GABRG3: variants seen among roughly 807,000 people sequenced by gnomAD.
GABRG3 encodes the protein gamma-aminobutyric acid receptor subunit gamma-3.
A neutral mutation model predicts 48.8 loss-of-function variants in GABRG3; 25 were observed. The observed-to-expected ratio is 0.51, with a 90% CI of 0.37 to 0.72. GABRG3 has a LOEUF of 0.72. Ranked by LOEUF, GABRG3 falls within the 30% of genes least tolerant of loss-of-function variation. GABRG3 has a pLI of 0.00. For synonymous variants in GABRG3, 227 were observed against 217.6 expected (o/e 1.04, Z -0.38); for missense variants, 394 against 577.9 (o/e 0.68, Z 3.26).
chr15:27,500,558 C>T (rs1313739983), intron 6 of GABRG3, among the ~76,000 whole-genome samples: 1 of 152,250 alleles, frequency 6.6e-6, no homozygotes, highest in Non-Finnish European at 1.5e-5. Flanking sequence ...CCAGACGTTA[C>T]GTAAACGTGC....
chr15:27,285,949 C>CA (rs1891597342), intron 3 of GABRG3, among the ~76,000 whole-genome samples: 1 of 152,190 alleles, frequency 6.6e-6, no homozygotes, highest in Non-Finnish European at 1.5e-5. Flanking sequence ...CTATCAATGA[C>CA]ACAGTGCTTG....
In GABRG3 at chr15:27,536,506, CCAAA is replaced by C. The variant is rs1408004329; in HGVS notation, c.*3628_*3631del. On this transcript the variant is annotated 3_prime_UTR_variant, in exon 10 of 10. Coordinates refer to ENST00000615808, the MANE Select transcript of GABRG3 (RefSeq NM_033223.5). ...AAATAGGATTTCATTTCTTTATATG[CCAAA>C]CAGTCTTACCCTTAATTTTACATCA... The C allele has an allele frequency of 6.6e-6, 1 of 152,104 alleles. No individual in the cohort carries two copies. The highest frequency in any genetic ancestry group is 1.5e-5 in the Non-Finnish European group (1 of 68,030). 9.4% of individuals were successfully genotyped at this position (152,104 alleles called of 1,614,324 possible). A position where few individuals can be genotyped will look rare whatever the true frequency, so the allele number is the denominator to read the frequency against.
intron 5 of GABRG3, among the ~76,000 whole-genome samples, chr15:27,422,108 G>A (rs1888138097): frequency 6.6e-6 from 1 of 150,390 alleles, no homozygotes; most frequent in African/African-American, 2.4e-5. Flanking sequence ...ATATCCATGG[G>A]AGTGGGCTGC....
chr15:27,063,926 A>G (rs77000626), intron 3 of GABRG3, among the ~76,000 whole-genome samples: 2,401 of 152,260 alleles, frequency 0.016, 41 homozygotes, highest in Middle Eastern at 0.044. Context: ...CTTTCCTGAC[A>G]TGGGTGTCAT....
chr15:27,371,331 C>G (rs1895408226), intron 5 of GABRG3, among the ~76,000 whole-genome samples: 1 of 152,082 alleles, frequency 6.6e-6, no homozygotes, highest in Non-Finnish European at 1.5e-5. Context: ...TCTGCAGTTC[C>G]CCAGTTGTGA....
At chr15:27,239,828 A>G (rs945820711) in intron 3 of GABRG3, among the ~76,000 whole-genome samples, 2 of 152,204 alleles carry the variant, frequency 1.3e-5, no homozygotes, top group Non-Finnish European at 2.9e-5. Flanking sequence ...AAATTCCTCT[A>G]ATATAAGAAT....
chr15:27,025,266 A>C (rs2140681149), intron 2 of GABRG3, among the ~76,000 whole-genome samples: 1 of 152,302 alleles, frequency 6.6e-6, no homozygotes, highest in African/African-American at 2.4e-5. Context: ...AGTTGTATGA[A>C]ACAACCAGAA....
intron 3 of GABRG3, among the ~76,000 whole-genome samples, chr15:27,233,908 A>G (rs1299325424): frequency 6.6e-6 from 1 of 152,170 alleles, no homozygotes; most frequent in African/African-American, 2.4e-5. Flanking sequence ...TCAGTTTTAT[A>G]TTTTATACCT....
At chr15:27,376,028 G>C (rs1431030813) in intron 5 of GABRG3, among the ~76,000 whole-genome samples, 2 of 152,168 alleles carry the variant, frequency 1.3e-5, no homozygotes, top group African/African-American at 2.4e-5. Flanking sequence ...ATACAATAGG[G>C]GTACAGGCAT....
At chr15:27,212,651 A>G (rs1889113669) in intron 3 of GABRG3, among the ~76,000 whole-genome samples, 1 of 152,302 alleles carries the variant, frequency 6.6e-6, no homozygotes, top group South Asian at 2.1e-4. Flanking sequence ...TTGTCGTACA[A>G]CCGTCACCAC....
At position 27,052,301 on chromosome 15, in the gene GABRG3, G is replaced by C. The variant is rs115870964; in HGVS notation, c.270+25480G>C. Among the ~76,000 whole-genome samples the C allele has an allele frequency of 8.2e-3, 1,245 of 152,282 alleles. 20 individuals are homozygous for C. Among genetic ancestry groups the C allele is most frequent in the African/African-American group, 0.029 (1,196 of 41,534 alleles). ...CCTCTGATCACCTTGGGGGGGTGCTGTCACTCCCGTGCCGCAAATGGTGAC... is the reference window on the plus strand; with the variant it reads ...CCTCTGATCACCTTGGGGGGGTGCTCTCACTCCCGTGCCGCAAATGGTGAC... On this transcript the variant is annotated intron_variant, in intron 3 of 9. Transcript: ENST00000615808.
At chr15:27,234,299 C>T (rs1238313891) in intron 3 of GABRG3, among the ~76,000 whole-genome samples, 3 of 152,168 alleles carry the variant, frequency 2.0e-5, no homozygotes, top group Non-Finnish European at 2.9e-5. Flanking sequence ...GACCATGATC[C>T]AGAGAGCAGA....
chr15:27,521,450 T>C (rs1891157909), intron 7 of GABRG3, among the ~76,000 whole-genome samples: 1 of 152,110 alleles, frequency 6.6e-6, no homozygotes, highest in Non-Finnish European at 1.5e-5. Flanking sequence ...TAGTGCAGAC[T>C]CTTTACATTG....
intron 5 of GABRG3, among the ~76,000 whole-genome samples, chr15:27,385,520 CT>C (rs1196416718): frequency 4.6e-5 from 7 of 152,066 alleles, no homozygotes; most frequent in African/African-American, 1.7e-4. Flanking sequence ...GAAGCACTAA[CT>C]GACGTCCCAC....
At chr15:27,033,367 A>G (rs1281808353) in intron 3 of GABRG3, among the ~76,000 whole-genome samples, 2 of 151,904 alleles carry the variant, frequency 1.3e-5, no homozygotes, top group African/African-American at 4.8e-5. Flanking sequence ...ACTGCAAGGT[A>G]TCCCATCCTA....
intron 3 of GABRG3, among the ~76,000 whole-genome samples, chr15:27,277,179 A>G (rs1326953072): frequency 6.6e-6 from 1 of 152,236 alleles, no homozygotes; most frequent in Non-Finnish European, 1.5e-5. Context: ...ACAGAGAGAC[A>G]TCTTGCAAAC....
chr15:27,123,682 C>T (rs887790978), intron 3 of GABRG3, among the ~76,000 whole-genome samples: 2 of 152,162 alleles, frequency 1.3e-5, no homozygotes, highest in African/African-American at 4.8e-5. Context: ...AGTGGTGTCC[C>T]GAGTGATTAG....
chr15:27,257,935 C>T (rs898984610), intron 3 of GABRG3, among the ~76,000 whole-genome samples: 17 of 152,048 alleles, frequency 1.1e-4, no homozygotes, highest in African/African-American at 3.4e-4. Context: ...TAGACGTGAG[C>T]CTTGTGCCCA....
intron 3 of GABRG3, among the ~76,000 whole-genome samples, chr15:27,196,140 C>T (rs374857306): frequency 8.5e-5 from 13 of 152,218 alleles, no homozygotes; most frequent in African/African-American, 2.7e-4. Flanking sequence ...CCCGATGTCT[C>T]ATTGCAGATG....
Sources: gnomAD v4.1 joint callset for allele counts (sites outside exome capture counted in the v4.1 genomes callset) on GRCh38, gnomAD v4.1.1 for gene constraint, MANE v1.5 for transcripts, NCBI Gene and HGNC (gene_info 2026-07-23, HGNC 2026-07-21) for gene names.